Variants in ERBIN observed in about 807,000 individuals in gnomAD.
ERBIN encodes densin-180-like protein.
Under a neutral mutation model 158.4 loss-of-function variants are expected in ERBIN, and 60 were observed. That is an observed-to-expected ratio of 0.38 (90% CI 0.31 to 0.47). ERBIN has a LOEUF of 0.47. Among genes scored for constraint, ERBIN ranks in the 20% least tolerant of loss-of-function variants. ERBIN has a pLI of 0.99. For synonymous variants in ERBIN, 594 were observed against 557.2 expected, an observed-to-expected ratio of 1.07 and a Z score of -0.93; for missense variants, 1,610 against 1,648.0, an observed-to-expected ratio of 0.98 and a Z score of 0.40.
rs1425290738 is a variant in ERBIN, at chr5:66,054,201, C to T, written c.2883C>T (p.Pro961=). The part of the protein sequence containing the change: ...NPEEPNIIRG[P]TSGPQSAPQI... ...AAGAGCCAAATATAATAAGAGGCCC[C>T]ACAAGTGGCCCACAATCTGCACCTC... The change falls in exon 21 of 26, where the codon CCC becomes CCT. Residue 961 remains proline (P), a synonymous_variant. Coordinates refer to ENST00000284037, the MANE Select transcript of ERBIN (RefSeq NM_001253697.2). 8 of 1,613,970 alleles carry T rather than the reference C, an allele frequency of 5.0e-6. No individual in the cohort carries two copies. Among genetic ancestry groups the T allele is most frequent in the Middle Eastern group, 1.6e-4 (1 of 6,084 alleles).
At chr5:66,002,705 T>C (rs1298822400) in intron 4 of ERBIN, among the ~76,000 whole-genome samples, 1 of 152,140 alleles carries the variant, frequency 6.6e-6, no homozygotes, top group African/African-American at 2.4e-5. Context: ...TGAGAAAATC[T>C]GATGACTGGG....
intron 1 of ERBIN, among the ~76,000 whole-genome samples, chr5:65,967,812 G>GTAATA (rs1748830096): frequency 2.0e-5 from 3 of 152,184 alleles, no homozygotes; most frequent in Non-Finnish European, 4.4e-5. Flanking sequence ...TGGGTCTGGG[G>GTAATA]CTCATCTTGG....
At chr5:66,007,299 A>G (rs1371711835) in intron 4 of ERBIN, among the ~76,000 whole-genome samples, 1 of 152,170 alleles carries the variant, frequency 6.6e-6, no homozygotes, top group Non-Finnish European at 1.5e-5. Flanking sequence ...ACAGGGAACC[A>G]AACACTGCAT....
At chr5:66,063,347 G>A (rs1580515764) in intron 21 of ERBIN, among the ~76,000 whole-genome samples, 1 of 152,224 alleles carries the variant, frequency 6.6e-6, no homozygotes, top group Non-Finnish European at 1.5e-5. Context: ...GCCAGTTGCG[G>A]GATATAATCT....
At chr5:65,965,755 T>G (rs1306224665) in intron 1 of ERBIN, among the ~76,000 whole-genome samples, 2 of 152,220 alleles carry the variant, frequency 1.3e-5, no homozygotes, top group African/African-American at 4.8e-5. Flanking sequence ...GAAGTTGCTC[T>G]TCCTCTGATT....
chr5:65,966,144 T>C (rs1748591458), intron 1 of ERBIN, among the ~76,000 whole-genome samples: 1 of 152,242 alleles, frequency 6.6e-6, no homozygotes, highest in African/African-American at 2.4e-5. Flanking sequence ...TTCATAACAT[T>C]ATAATGAAGC....
chr5:65,983,968 C>T (rs1396748108), intron 1 of ERBIN, among the ~76,000 whole-genome samples: 1 of 152,198 alleles, frequency 6.6e-6, no homozygotes, highest in Non-Finnish European at 1.5e-5. Context: ...GATGCCAGTG[C>T]ACACCCGGGA....
intron 14 of ERBIN, among the ~76,000 whole-genome samples, chr5:66,037,793 G>GA (rs908991474): frequency 3.6e-4 from 55 of 151,974 alleles, no homozygotes; most frequent in Non-Finnish European, 4.9e-4. Context: ...ACTAGTTAGG[G>GA]AAAAAATCAT....
rs571992083 is a variant in ERBIN, at chr5:66,058,198, T to G, written c.3633+3247T>G. ...TCTCCACATCCTCTCCAGCACCTGT[T>G]GTTTCCTGACTTTTTAATGATTGCC... On this transcript the variant is annotated intron_variant, in intron 21 of 25. Transcript: ENST00000284037. 1.8e-3 allele frequency among the ~76,000 whole-genome samples: 272 copies of G among 151,868 alleles called. 2 individuals are homozygous for G. Among genetic ancestry groups the G allele is most frequent in the African/African-American group, 6.3e-3 (258 of 41,162 alleles).
At chr5:66,032,166 C>T (rs547580713) in intron 14 of ERBIN, among the ~76,000 whole-genome samples, 2 of 151,514 alleles carry the variant, frequency 1.3e-5, no homozygotes, top group East Asian at 3.9e-4. Flanking sequence ...AGGTAGAAAA[C>T]GAGGCTACTA....
chr5:66,047,104 C>T (rs1758518911), intron 18 of ERBIN, among the ~76,000 whole-genome samples: 1 of 152,178 alleles, frequency 6.6e-6, no homozygotes, highest in South Asian at 2.1e-4. Context: ...AAAGAAATTC[C>T]ATACTCTTTA....
chr5:66,065,633 G>A (rs1760905655), intron 21 of ERBIN, among the ~76,000 whole-genome samples: 1 of 140,822 alleles, frequency 7.1e-6, no homozygotes, highest in African/African-American at 2.9e-5. Context: ...GTGTGTGTGT[G>A]TGTGTGTGTG....
At chr5:65,988,915 C>CGA (rs2151036593) in intron 2 of ERBIN, among the ~76,000 whole-genome samples, 1 of 139,294 alleles carries the variant, frequency 7.2e-6, no homozygotes, top group Non-Finnish European at 1.5e-5. Flanking sequence ...CCTGGGAGAT[C>CGA]GAGGCTGCAG....
chr5:66,026,001 G>C, intron 12 of ERBIN, 24 bp downstream of exon 12: 1 of 1,552,220 alleles, frequency 6.4e-7, no homozygotes, highest in South Asian at 1.3e-5. Context: ...GATTTGTTTA[G>C]ATTTTTGTCT....
intron 1 of ERBIN, among the ~76,000 whole-genome samples, chr5:65,970,091 A>C (rs1258659727): frequency 6.6e-6 from 1 of 151,322 alleles, no homozygotes; most frequent in African/African-American, 2.4e-5. Flanking sequence ...TTAATTGTCT[A>C]CGTCAAATTA....
At chr5:66,065,957 A>G (rs1342065059) in intron 21 of ERBIN, among the ~76,000 whole-genome samples, 1 of 152,146 alleles carries the variant, frequency 6.6e-6, no homozygotes, top group African/African-American at 2.4e-5. Context: ...AAATAATTTT[A>G]TTCAGTAAAA....
At chr5:65,979,538 T>C (rs1006982484) in intron 1 of ERBIN, among the ~76,000 whole-genome samples, 4 of 152,222 alleles carry the variant, frequency 2.6e-5, no homozygotes, top group Non-Finnish European at 4.4e-5. Flanking sequence ...AAAAGGGTGA[T>C]TGTATAGGCT....
At chr5:66,026,052 G>A (rs1469394525) in intron 12 of ERBIN, 75 bp downstream of exon 12, 76 of 1,221,182 alleles carry the variant, frequency 6.2e-5, no homozygotes, top group Non-Finnish European at 8.2e-5. Flanking sequence ...GCTATTTAGT[G>A]TGGCTTCATT....
At chr5:65,969,092 TAAAA>T (rs572225985) in intron 1 of ERBIN, among the ~76,000 whole-genome samples, 3 of 151,906 alleles carry the variant, frequency 2.0e-5, no homozygotes, top group Non-Finnish European at 1.5e-5. Context: ...ATATGTCAAT[TAAAA>T]AAATGCTAAT....
Sources: gnomAD v4.1 joint callset for allele counts (sites outside exome capture counted in the v4.1 genomes callset) on GRCh38, gnomAD v4.1.1 for gene constraint, MANE v1.5 for transcripts, NCBI Gene and HGNC (gene_info 2026-07-23, HGNC 2026-07-21) for gene names.